The following TOM1L1 variants were observed in gnomAD, a reference collection of about 807,000 sequenced individuals.
TOM1L1 encodes the protein TOM1-like protein 1.
Under a neutral mutation model 63.4 loss-of-function variants are expected in TOM1L1, and 64 were observed. That is an observed-to-expected ratio of 1.01 (90% CI 0.83 to 1.24). TOM1L1 has a LOEUF of 1.24. Ranked by LOEUF, TOM1L1 falls within the 50% of genes most tolerant of loss-of-function variation. TOM1L1 has a pLI of 0.00. For missense variants in TOM1L1, 536 were observed against 567.0 expected, an observed-to-expected ratio of 0.95 and a Z score of 0.55; for synonymous variants, 166 against 194.4, an observed-to-expected ratio of 0.85 and a Z score of 1.22.
intron 14 of TOM1L1, 64 bp downstream of exon 14, chr17:54,950,190 C>A: frequency 6.1e-6 from 8 of 1,301,888 alleles, no homozygotes; most frequent in Non-Finnish European, 7.7e-6. Flanking sequence ...GCAGAGCTAA[C>A]AGGGCTTGGT....
At chr17:54,919,981 T>C (rs12944371) in intron 7 of TOM1L1, among the ~76,000 whole-genome samples, 3 of 136,504 alleles carry the variant, frequency 2.2e-5, no homozygotes, top group African/African-American at 8.3e-5. Flanking sequence ...TTTGGTTTTT[T>C]ATTGATTTAT....
chr17:54,944,441 C>T (rs952892385), intron 11 of TOM1L1, among the ~76,000 whole-genome samples: 1 of 123,486 alleles, frequency 8.1e-6, no homozygotes, highest in African/African-American at 2.9e-5. Flanking sequence ...CACAGCAAGA[C>T]TCTATCTCAA....
In TOM1L1 at chr17:54,915,833, G is replaced by A; in HGVS notation, c.691G>A (p.Glu231Lys). 6.2e-7 allele frequency: 1 copy of A among 1,613,830 alleles called. No homozygotes were observed. The highest frequency in any genetic ancestry group is 8.5e-7 in the Non-Finnish European group (1 of 1,179,836). ...AILMENTPGS[E>K]NHEDIELLQK... ...ATTGATGGAGAATACTCCTGGGTCTGAAAACCATGAAGACATAGAGCTTCT... is the reference window on the plus strand; with the variant it reads ...ATTGATGGAGAATACTCCTGGGTCTAAAAACCATGAAGACATAGAGCTTCT... Residue 231 changes from glutamate (E) to lysine (K), a missense_variant, in exon 7 of 16, where the codon GAA (glutamate) becomes AAA (lysine). Transcript: ENST00000575882.
intron 8 of TOM1L1, among the ~76,000 whole-genome samples, chr17:54,932,142 G>A (rs879528962): frequency 6.6e-6 from 1 of 151,984 alleles, no homozygotes; most frequent in Non-Finnish European, 1.5e-5. Context: ...GGTTTATTCG[G>A]CCAGGGGCAT....
At chr17:54,904,991 C>A in intron 2 of TOM1L1, among the ~76,000 whole-genome samples, 1 of 152,146 alleles carries the variant, frequency 6.6e-6, no homozygotes, top group Non-Finnish European at 1.5e-5. Flanking sequence ...AAAAGAGAAT[C>A]TTAAAGTAAA....
intron 1 of TOM1L1, among the ~76,000 whole-genome samples, chr17:54,903,190 C>A (rs1351627972): frequency 1.3e-5 from 2 of 152,136 alleles, no homozygotes; most frequent in Admixed American, 6.6e-5. Context: ...CTCCTGTCCC[C>A]CCAGAGAATA....
chr17:54,936,213 CAAAT>C (rs1282007333), intron 8 of TOM1L1, among the ~76,000 whole-genome samples: 3 of 150,474 alleles, frequency 2.0e-5, no homozygotes, highest in Admixed American at 6.6e-5. Context: ...AAGTAGAAAA[CAAAT>C]AATCACTAAT....
chr17:54,960,227 T>C (rs1166859414), intron 14 of TOM1L1, among the ~76,000 whole-genome samples: 2 of 151,970 alleles, frequency 1.3e-5, no homozygotes, highest in African/African-American at 2.4e-5. Flanking sequence ...TAGCTGGGCA[T>C]GGTTGTGTGT....
At chr17:54,907,218 G>A (rs960611169) in intron 3 of TOM1L1, among the ~76,000 whole-genome samples, 7 of 149,542 alleles carry the variant, frequency 4.7e-5, no homozygotes, top group Admixed American at 1.3e-4. Flanking sequence ...TGGAGAAGAC[G>A]GGAGAGAGGA....
chr17:54,942,720 G>A (rs1447775905), intron 11 of TOM1L1, among the ~76,000 whole-genome samples: 1 of 152,008 alleles, frequency 6.6e-6, no homozygotes, highest in Non-Finnish European at 1.5e-5. Context: ...TTGGTTTGGT[G>A]TACAGTTTTA....
At chr17:54,901,067 C>T (rs750246474) in intron 1 of TOM1L1, 144 bp downstream of exon 1, 46 of 1,069,336 alleles carry the variant, frequency 4.3e-5, no homozygotes, top group Non-Finnish European at 5.8e-5. Context: ...CCCAAGGCAC[C>T]CGCATTCCAC....
At chr17:54,949,201 C>CTCTTTTTTTT (rs1567841055) in intron 12 of TOM1L1, among the ~76,000 whole-genome samples, 1 of 75,330 alleles carries the variant, frequency 1.3e-5, no homozygotes, top group Non-Finnish European at 2.9e-5. Flanking sequence ...CCATGCCCAG[C>CTCTTTTTTTT]TATTTTTTTT....
rs149870285 is a variant in TOM1L1, at chr17:54,915,874, T to G, written c.720+12T>G. The G allele has an allele frequency of 1.4e-5, 22 of 1,588,048 alleles. No individual in the cohort carries two copies. In the African/African-American group the frequency reaches 2.7e-4, roughly 19 times the overall value. ...TAGAGCTTCTGCAGGTGTTGTACGATTTCAGGGACTATCAGTCAAAGTGTC... is the reference window on the plus strand; with the variant it reads ...TAGAGCTTCTGCAGGTGTTGTACGAGTTCAGGGACTATCAGTCAAAGTGTC... On this transcript the variant is annotated intron_variant, in intron 7 of 15. Coordinates refer to ENST00000575882, the MANE Select transcript of TOM1L1 (RefSeq NM_005486.3).
At chr17:54,933,392 C>T (rs1186686564) in intron 8 of TOM1L1, among the ~76,000 whole-genome samples, 1 of 152,176 alleles carries the variant, frequency 6.6e-6, no homozygotes, top group Non-Finnish European at 1.5e-5. Flanking sequence ...CTAATGTGAA[C>T]CAAAAGTATC....
At position 54,904,333 on chromosome 17, in the gene TOM1L1, G is replaced by C. The variant is rs565530591; in HGVS notation, c.143+541G>C. ...TGCAGTGAGCAGAGATCATGCCACT[G>C]CACTCCAGCCTGGGTAACAAAGCAA... On this transcript the variant is annotated intron_variant, in intron 2 of 15. Coordinates refer to ENST00000575882, the MANE Select transcript of TOM1L1 (RefSeq NM_005486.3). 1.5e-3 allele frequency among the ~76,000 whole-genome samples: 208 copies of C among 142,900 alleles called. 1 individual carries two copies. The highest frequency in any genetic ancestry group is 2.5e-3 in the Non-Finnish European group (165 of 67,190). 93.7% of individuals were successfully genotyped at this position (142,900 alleles called of 152,430 possible).
intron 3 of TOM1L1, chr17:54,906,827 G>C: frequency 1.0e-6 from 1 of 985,162 alleles, no homozygotes; most frequent in Non-Finnish European, 1.2e-6. Context: ...TGCAAGCCCT[G>C]CCTGCTGCCT....
Position 54,903,721 on chromosome 17 carries a change from T to A in TOM1L1, c.72T>A (p.Phe24Leu), listed in dbSNP as rs753638547. Residue 24 changes from phenylalanine to leucine, a missense_variant, in exon 2 of 16, where the codon TTT (phenylalanine) becomes TTA (leucine). Transcript: ENST00000575882. ...TTTTCTTGGCAGAAAAGGCTACATTTGCTGGAGTTCAGACTGAAGATTGGG... is the reference window on the plus strand; with the variant it reads ...TTTTCTTGGCAGAAAAGGCTACATTAGCTGGAGTTCAGACTGAAGATTGGG... The part of the protein sequence containing the change: ...SVGHLIEKAT[F>L]AGVQTEDWGQ... The A allele has an allele frequency of 1.3e-5, 21 of 1,614,226 alleles. No individual in the cohort carries two copies. The highest frequency in any genetic ancestry group is 1.7e-4 in the Middle Eastern group (1 of 6,060).
chr17:54,930,231 A>G lies in TOM1L1; in HGVS notation c.854+25A>G, dbSNP rs1004378336. On this transcript the variant is annotated intron_variant, in intron 8 of 15. Transcript: ENST00000575882. ...GGTGAGCAGATCATGTACCCTCTTT[A>G]CCCCTCTTCCATTTCTACTTTCACC... 20 of 1,612,628 alleles carry G rather than the reference A, an allele frequency of 1.2e-5. No individual in the cohort carries two copies. The African/African-American group carries it at 2.3e-4, about 18-fold the overall frequency.
intron 3 of TOM1L1, among the ~76,000 whole-genome samples, chr17:54,907,834 T>C (rs1179283756): frequency 6.6e-6 from 1 of 152,224 alleles, no homozygotes; most frequent in Non-Finnish European, 1.5e-5. Context: ...TTTTGCTTTT[T>C]ACAGGTGTTC....
Sources: allele counts gnomAD v4.1 joint callset (sites outside exome capture counted in the v4.1 genomes callset), GRCh38; gene constraint gnomAD v4.1.1; transcripts MANE v1.5; gene names NCBI Gene and HGNC (gene_info 2026-07-23, HGNC 2026-07-21).